The following ELMO1 variants were observed in gnomAD, a reference collection of about 807,000 sequenced individuals.
The protein encoded by ELMO1 is engulfment and cell motility protein 1.
Under a neutral mutation model 98.9 loss-of-function variants are expected in ELMO1, and 26 were observed. The observed-to-expected ratio is 0.26, with a 90% CI of 0.19 to 0.36. The LOEUF is 0.36. Ranked by LOEUF, ELMO1 falls within the 10% of genes least tolerant of loss-of-function variation. ELMO1 has a pLI of 1.00. For missense variants in ELMO1, 627 were observed against 935.2 expected (o/e 0.67, Z 4.30); for synonymous variants, 346 against 346.0 (o/e 1.00, Z 0.00).
At chr7:36,867,566 C>T (rs1007963273) in intron 20 of ELMO1, among the ~76,000 whole-genome samples, 2 of 151,994 alleles carry the variant, frequency 1.3e-5, no homozygotes, top group African/African-American at 4.8e-5. Context: ...GCTTAAATTG[C>T]TCTCCTTCCT....
chr7:37,209,034 T>C (rs949162036), intron 13 of ELMO1, among the ~76,000 whole-genome samples: 9 of 151,702 alleles, frequency 5.9e-5, no homozygotes, highest in Non-Finnish European at 1.2e-4. Flanking sequence ...TATTATTCTG[T>C]ACTCATGAAG....
intron 14 of ELMO1, among the ~76,000 whole-genome samples, chr7:37,112,688 T>C (rs530805104): frequency 6.6e-6 from 1 of 152,300 alleles, no homozygotes; most frequent in South Asian, 2.1e-4. Flanking sequence ...AAGAAAAATA[T>C]TGTCTATTAT....
chr7:37,310,745 A>G (rs1798847894), intron 4 of ELMO1, among the ~76,000 whole-genome samples: 1 of 152,180 alleles, frequency 6.6e-6, no homozygotes, highest in African/African-American at 2.4e-5. Flanking sequence ...TTTCTCAGAG[A>G]TGGCATAGAG....
intron 8 of ELMO1, among the ~76,000 whole-genome samples, chr7:37,226,343 C>G (rs1327670072): frequency 1.3e-5 from 2 of 152,156 alleles, no homozygotes; most frequent in Non-Finnish European, 2.9e-5. Flanking sequence ...GTTTACTATC[C>G]TTGGCAAGCC....
intron 15 of ELMO1, among the ~76,000 whole-genome samples, chr7:37,096,017 G>T (rs1271101352): frequency 6.6e-6 from 1 of 152,172 alleles, no homozygotes; most frequent in African/African-American, 2.4e-5. Flanking sequence ...TTATGCCAAT[G>T]AACAAAAGGC....
chr7:37,294,916 C>T (rs1355936902), intron 4 of ELMO1, among the ~76,000 whole-genome samples: 4 of 151,834 alleles, frequency 2.6e-5, no homozygotes, highest in Non-Finnish European at 5.9e-5. Flanking sequence ...AGGAGAATCA[C>T]TTGAACCCAA....
At chr7:37,317,602 T>C (rs1030058539) in intron 2 of ELMO1, among the ~76,000 whole-genome samples, 2 of 152,182 alleles carry the variant, frequency 1.3e-5, no homozygotes, top group African/African-American at 4.8e-5. Context: ...TCTCATTTAT[T>C]TGTGGGATCG....
At chr7:37,250,340 T>C (rs184761629) in intron 6 of ELMO1, among the ~76,000 whole-genome samples, 118 of 152,334 alleles carry the variant, frequency 7.7e-4, no homozygotes, top group African/African-American at 2.6e-3. Context: ...ATTATAATTC[T>C]ACTTTTATAA....
chr7:37,370,704 G>A (rs544615726), intron 1 of ELMO1, among the ~76,000 whole-genome samples: 7 of 152,174 alleles, frequency 4.6e-5, no homozygotes, highest in South Asian at 2.1e-4. Flanking sequence ...GAGACCCCCC[G>A]CCAAGCTGAC....
At chr7:37,294,212 G>C (rs531216491) in intron 4 of ELMO1, among the ~76,000 whole-genome samples, 88 of 152,220 alleles carry the variant, frequency 5.8e-4, no homozygotes, top group African/African-American at 2.0e-3. Flanking sequence ...TCATAGGCTT[G>C]GGTATTCTCT....
intron 15 of ELMO1, among the ~76,000 whole-genome samples, chr7:37,029,398 C>T (rs1462670611): frequency 6.9e-6 from 1 of 145,370 alleles, no homozygotes; most frequent in Non-Finnish European, 1.5e-5. Context: ...TCCATGCACA[C>T]TGATTTCTTT....
intron 6 of ELMO1, among the ~76,000 whole-genome samples, chr7:37,248,173 T>C (rs1795118964): frequency 6.7e-6 from 1 of 149,728 alleles, no homozygotes; most frequent in Non-Finnish European, 1.5e-5. Flanking sequence ...CATCTGTCTA[T>C]TGCCCTAAGT....
At chr7:37,006,365 C>T (rs561239844) in intron 16 of ELMO1, among the ~76,000 whole-genome samples, 3 of 152,172 alleles carry the variant, frequency 2.0e-5, no homozygotes, top group African/African-American at 7.2e-5. Flanking sequence ...AGAGCTTAAT[C>T]CCCACAGTGA....
chr7:37,015,983 T>C (rs1487801237), intron 15 of ELMO1, among the ~76,000 whole-genome samples: 2 of 152,220 alleles, frequency 1.3e-5, no homozygotes, highest in Admixed American at 6.5e-5. Context: ...ACTGTGTGGT[T>C]TGCTGCCCTG....
chr7:36,899,802 G>A (rs1225611954), intron 16 of ELMO1, among the ~76,000 whole-genome samples: 4 of 149,376 alleles, frequency 2.7e-5, no homozygotes, highest in South Asian at 2.1e-4. Context: ...TCTGGCAAAT[G>A]TAAGTTCCTC....
At chr7:37,000,812 T>G (rs1018592140) in intron 16 of ELMO1, among the ~76,000 whole-genome samples, 1 of 151,770 alleles carries the variant, frequency 6.6e-6, no homozygotes, top group Non-Finnish European at 1.5e-5. Context: ...ACAAGGCTAG[T>G]GGGAAAAACA....
rs138448923 is a variant in ELMO1 at position 37,211,467 on chromosome 7, C to T, written c.1005G>A (p.Glu335=). 21 of 1,613,944 alleles carry T rather than the reference C, an allele frequency of 1.3e-5. No individual in the cohort carries two copies. In the African/African-American group the frequency reaches 2.0e-4, roughly 15 times the overall value. The change falls in exon 13 of 22, where the codon GAG becomes GAA. Residue 335 remains glutamate (E), a synonymous_variant. Coordinates refer to ENST00000310758, the MANE Select transcript of ELMO1 (RefSeq NM_014800.11). ...FELRRIAFDA[E]SEPNNSSGSM... is the part of the protein sequence containing the mutation. ...TGCCACTGCTGTTGTTAGGTTCAGACTCAGCATCAAAAGCAATTCTTCGAA... is the reference window on the plus strand; with the variant it reads ...TGCCACTGCTGTTGTTAGGTTCAGATTCAGCATCAAAAGCAATTCTTCGAA...
At chr7:37,264,303 G>T (rs550797336) in intron 5 of ELMO1, among the ~76,000 whole-genome samples, 1 of 134,216 alleles carries the variant, frequency 7.5e-6, no homozygotes, top group African/African-American at 2.8e-5. Flanking sequence ...ATGCATAAAT[G>T]AATATATATA....
chr7:37,257,960 C>A (rs1444813385), intron 6 of ELMO1, among the ~76,000 whole-genome samples: 1 of 151,958 alleles, frequency 6.6e-6, no homozygotes, highest in Non-Finnish European at 1.5e-5. Context: ...GTGGTAAAAC[C>A]CCATCTCTAC....
Sources: allele counts gnomAD v4.1 joint callset (sites outside exome capture counted in the v4.1 genomes callset), GRCh38; gene constraint gnomAD v4.1.1; transcripts MANE v1.5; gene names NCBI Gene and HGNC (gene_info 2026-07-23, HGNC 2026-07-21).